Variants in ACTR3C observed in about 807,000 individuals in gnomAD.
The protein encoded by ACTR3C is actin related protein 3C.
In ACTR3C, 18 loss-of-function variants were observed where a neutral mutation model predicts 26.3. The ratio of observed to expected loss-of-function variants is 0.68; its 90% confidence interval spans 0.47 to 1.01. The LOEUF is 1.01. ACTR3C is among the 50% of genes least tolerant of loss of function. The probability of loss-of-function intolerance (pLI) is 0.00; values close to 1 mark genes in which losing one functional copy is unlikely to be tolerated. For missense variants in ACTR3C, 184 were observed against 250.7 expected (o/e 0.73, Z 1.80); for synonymous variants, 55 against 94.5 (o/e 0.58, Z 2.42).
At chr7:149,926,721 T>A in the ACTR3C span, among the ~76,000 whole-genome samples, 2 of 152,168 alleles carry the variant, frequency 1.3e-5, no homozygotes, top group Non-Finnish European at 2.9e-5. Flanking sequence ...ATTTTCACCG[T>A]AGTCCTGATT....
At chr7:150,209,636 T>G in the ACTR3C span, among the ~76,000 whole-genome samples, 3 of 150,760 alleles carry the variant, frequency 2.0e-5, no homozygotes, top group Non-Finnish European at 4.4e-5. Flanking sequence ...CCCCAGCACT[T>G]CGGAGGCCAA....
chr7:149,949,201 T>TACAC, the ACTR3C span, among the ~76,000 whole-genome samples: 1 of 144,306 alleles, frequency 6.9e-6, no homozygotes, highest in East Asian at 2.0e-4. Context: ...TATACATATA[T>TACAC]ACACACACAC....
At chr7:149,969,172 G>A in the ACTR3C span, among the ~76,000 whole-genome samples, 17 of 152,276 alleles carry the variant, frequency 1.1e-4, no homozygotes, top group East Asian at 1.2e-3. Flanking sequence ...GAAAGGGAAC[G>A]CTGTCTTCGT....
chr7:150,288,653 C>A (rs1190544641), intron 4 of ACTR3C, among the ~76,000 whole-genome samples: 1 of 148,840 alleles, frequency 6.7e-6, no homozygotes, highest in African/African-American at 2.5e-5. Context: ...AGAAGGTAAC[C>A]CCTTAGGAAA....
the ACTR3C span, among the ~76,000 whole-genome samples, chr7:150,203,999 C>G: frequency 4.0e-5 from 6 of 150,234 alleles, no homozygotes; most frequent in Non-Finnish European, 7.4e-5. Context: ...CAATAATCCA[C>G]AGGAAACCTC....
chr7:150,129,264 A>G, the ACTR3C span, among the ~76,000 whole-genome samples: 1 of 152,094 alleles, frequency 6.6e-6, no homozygotes, highest in African/African-American at 2.4e-5. Context: ...GATATCTACG[A>G]GAAACCAACA....
the ACTR3C span, among the ~76,000 whole-genome samples, chr7:150,165,940 A>G: frequency 1.0e-3 from 152 of 151,878 alleles, no homozygotes; most frequent in African/African-American, 3.6e-3. Context: ...TCCAAAATTG[A>G]CTTCCTTGAT....
the ACTR3C span, among the ~76,000 whole-genome samples, chr7:149,956,638 C>A: frequency 6.6e-6 from 1 of 151,984 alleles, no homozygotes; most frequent in Non-Finnish European, 1.5e-5. Flanking sequence ...CAAACAGAAC[C>A]ATGGTTGTTT....
the ACTR3C span, among the ~76,000 whole-genome samples, chr7:150,055,492 T>TG: frequency 0.03 from 2,914 of 96,916 alleles, 59 homozygotes; most frequent in South Asian, 0.069. Flanking sequence ...AGGGAGGGAG[T>TG]TTTTTTTTTT....
chr7:150,125,547 C>A, the ACTR3C span, among the ~76,000 whole-genome samples: 3 of 151,890 alleles, frequency 2.0e-5, no homozygotes, highest in Non-Finnish European at 4.4e-5. Flanking sequence ...CAGAAGACTC[C>A]TTTCATAAGT....
chr7:150,139,890 C>A, the ACTR3C span, among the ~76,000 whole-genome samples: 2 of 152,240 alleles, frequency 1.3e-5, no homozygotes, highest in Non-Finnish European at 2.9e-5. Context: ...AATCCTAGAT[C>A]ACCCAGTGAC....
chr7:149,917,322 G>T, the ACTR3C span, among the ~76,000 whole-genome samples: 2 of 152,096 alleles, frequency 1.3e-5, no homozygotes, highest in Non-Finnish European at 2.9e-5. Context: ...TGATCTGCCC[G>T]CCTCGGCCTC....
At chr7:149,924,971 G>C in the ACTR3C span, among the ~76,000 whole-genome samples, 1 of 152,026 alleles carries the variant, frequency 6.6e-6, no homozygotes, top group Non-Finnish European at 1.5e-5. Flanking sequence ...GGGATCAAGG[G>C]AAAAATTTAT....
chr7:150,302,232 T>C (rs1411850175), intron 1 of ACTR3C, among the ~76,000 whole-genome samples: 1 of 152,206 alleles, frequency 6.6e-6, no homozygotes, highest in Non-Finnish European at 1.5e-5. Flanking sequence ...TTTTAATCCA[T>C]TAAATGATCA....
intron 1 of ACTR3C, among the ~76,000 whole-genome samples, chr7:150,299,605 G>A (rs1023288738): frequency 1.3e-5 from 2 of 151,506 alleles, no homozygotes; most frequent in Non-Finnish European, 2.9e-5. Flanking sequence ...GGCCAACATG[G>A]GGAAACCCCA....
intron 6 of ACTR3C, among the ~76,000 whole-genome samples, chr7:150,255,421 T>C (rs1254984831): frequency 6.6e-6 from 1 of 152,106 alleles, no homozygotes; most frequent in African/African-American, 2.4e-5. Flanking sequence ...TCCTGAAATC[T>C]AGACCTTAGG....
chr7:150,212,279 TA>T, the ACTR3C span, among the ~76,000 whole-genome samples: 6 of 144,958 alleles, frequency 4.1e-5, no homozygotes, highest in East Asian at 5.8e-4. Context: ...GCTTTTGACT[TA>T]AAAAAAATCC....
chr7:150,214,541 GA>G, the ACTR3C span, among the ~76,000 whole-genome samples: 3 of 151,466 alleles, frequency 2.0e-5, no homozygotes, highest in African/African-American at 7.3e-5. Context: ...AAGTATCTTG[GA>G]AAAATGATGA....
chr7:150,046,770 CATCT>C, the ACTR3C span, among the ~76,000 whole-genome samples: 1 of 145,110 alleles, frequency 6.9e-6, no homozygotes, highest in South Asian at 2.4e-4. Flanking sequence ...TAAACGCATC[CATCT>C]AAGGTCCGGC....
Sources: gnomAD v4.1 joint callset for allele counts (sites outside exome capture counted in the v4.1 genomes callset) on GRCh38, gnomAD v4.1.1 for gene constraint, MANE v1.5 for transcripts, NCBI Gene and HGNC (gene_info 2026-07-23, HGNC 2026-07-21) for gene names.